Variants in SKA2 observed in about 807,000 individuals in gnomAD.
SKA2 encodes the protein spindle and kinetochore associated complex subunit 2, also known as spindle and kinetochore-associated protein 2.
In SKA2, 13 loss-of-function variants were observed where a neutral mutation model predicts 16.9. That is an observed-to-expected ratio of 0.77 (90% CI 0.50 to 1.22). SKA2 has a LOEUF of 1.22. Ranked by LOEUF, SKA2 falls within the 50% of genes most tolerant of loss-of-function variation. SKA2 has a pLI of 0.00. For synonymous variants in SKA2, 47 were observed against 48.5 expected (o/e 0.97, Z 0.13); for missense variants, 107 against 139.7 (o/e 0.77, Z 1.18).
At chr17:59,139,757 A>G (rs1260513071) in intron 1 of SKA2, among the ~76,000 whole-genome samples, 1 of 152,174 alleles carries the variant, frequency 6.6e-6, no homozygotes, top group African/African-American at 2.4e-5. Flanking sequence ...CTACTGTATT[A>G]TATTTTAATC....
At position 59,131,140 on chromosome 17, in the gene SKA2, C is replaced by T. The variant is rs969632116; in HGVS notation, c.120+141G>A. ...CTCCAGTGTGCTATAACCAAACTTCCAACACAATGCAAGATTTTAAGATTC... is the reference window on the plus strand; with the variant it reads ...CTCCAGTGTGCTATAACCAAACTTCTAACACAATGCAAGATTTTAAGATTC... On this transcript the variant is annotated intron_variant, in intron 2 of 3. Transcript: ENST00000330137. 2.8e-5 allele frequency: 16 copies of T among 578,100 alleles called. No individual in the cohort carries two copies. The East Asian group carries it at 4.8e-4, about 17-fold the overall frequency. The allele number at this position is 578,100 out of a possible 1,614,324, so 35.8% of individuals were successfully genotyped here. A position where few individuals can be genotyped will look rare whatever the true frequency, so the allele number is the denominator to read the frequency against.
At chr17:59,134,468 C>T (rs758293207) in intron 1 of SKA2, among the ~76,000 whole-genome samples, 17 of 152,144 alleles carry the variant, frequency 1.1e-4, no homozygotes, top group South Asian at 2.1e-4. Flanking sequence ...GTTTATGAAA[C>T]GAAGTATTAA....
At chr17:59,145,687 G>A (rs1025661952) in intron 1 of SKA2, among the ~76,000 whole-genome samples, 2 of 151,938 alleles carry the variant, frequency 1.3e-5, no homozygotes, top group Non-Finnish European at 2.9e-5. Flanking sequence ...TTACTAGCCC[G>A]ATCTAGAAAC....
intron 2 of SKA2, among the ~76,000 whole-genome samples, chr17:59,124,048 CCTT>C (rs754781911): frequency 2.6e-4 from 40 of 152,200 alleles, no homozygotes; most frequent in Non-Finnish European, 3.7e-4. Flanking sequence ...TGAGTGGTAT[CCTT>C]CTTGAGGGTG....
Position 59,111,509 on chromosome 17 carries a change from C to T in SKA2, c.*768G>A, listed in dbSNP as rs958935663. ...TTGACACATACATATAACACACTCA[C>T]GCAAAACTGGCAAGTAGCAGATAAG... On this transcript the variant is annotated 3_prime_UTR_variant, in exon 4 of 4. Coordinates refer to ENST00000330137, the MANE Select transcript of SKA2 (RefSeq NM_182620.4). The T allele has an allele frequency of 2.6e-5, 4 of 152,086 alleles. No individual in the cohort carries two copies. The highest frequency in any genetic ancestry group is 7.2e-5 in the African/African-American group (3 of 41,422). 9.4% of individuals were successfully genotyped at this position (152,086 alleles called of 1,614,324 possible).
chr17:59,114,676 A>G (rs958264739), intron 3 of SKA2, among the ~76,000 whole-genome samples: 3 of 152,206 alleles, frequency 2.0e-5, no homozygotes, highest in African/African-American at 7.2e-5. Flanking sequence ...AATGGCCAAT[A>G]GCATCCACCA....
intron 1 of SKA2, among the ~76,000 whole-genome samples, chr17:59,140,738 G>A (rs2046481747): frequency 6.7e-6 from 1 of 149,958 alleles, no homozygotes; most frequent in Non-Finnish European, 1.5e-5. Context: ...AGCCTCCCTA[G>A]TAGCTGGGAC....
intron 1 of SKA2, 76 bp from the exon 2 acceptor site, chr17:59,131,443 C>T (rs2046411333): frequency 2.0e-6 from 2 of 984,038 alleles, no homozygotes; most frequent in Non-Finnish European, 2.9e-6. Context: ...CTTTTTTTCT[C>T]TTTACATTTG....
chr17:59,122,570 C>A (rs1400514361), intron 2 of SKA2, among the ~76,000 whole-genome samples: 1 of 151,842 alleles, frequency 6.6e-6, no homozygotes, highest in Non-Finnish European at 1.5e-5. Flanking sequence ...AAGATGGTAC[C>A]ACTGCACTCC....
intron 1 of SKA2, among the ~76,000 whole-genome samples, chr17:59,145,870 G>A (rs2046528224): frequency 6.6e-6 from 1 of 151,902 alleles, no homozygotes; most frequent in Admixed American, 6.6e-5. Context: ...AACACCTGTG[G>A]TGTCAGCTAC....
rs1213471489 is a variant in SKA2 at position 59,110,276 on chromosome 17, G to A, written c.*2001C>T. ...GAAGATAACTGAAGGAAATCATAGAGGAAAAATAGTACAATCTAATTTTTC... is the reference window on the plus strand; with the variant it reads ...GAAGATAACTGAAGGAAATCATAGAAGAAAAATAGTACAATCTAATTTTTC... On this transcript the variant is annotated 3_prime_UTR_variant, in exon 4 of 4. Coordinates refer to ENST00000330137, the MANE Select transcript of SKA2 (RefSeq NM_182620.4). 1 of 152,040 alleles carries A rather than the reference G, an allele frequency of 6.6e-6. No homozygotes were observed. The highest frequency in any genetic ancestry group is 1.5e-5 in the Non-Finnish European group (1 of 68,010). 9.4% of individuals were successfully genotyped at this position (152,040 alleles called of 1,614,324 possible). A position where few individuals can be genotyped will look rare whatever the true frequency, so the allele number is the denominator to read the frequency against.
intron 2 of SKA2, among the ~76,000 whole-genome samples, chr17:59,123,188 G>A (rs558631106): frequency 2.7e-5 from 4 of 150,354 alleles, no homozygotes; most frequent in Admixed American, 2.0e-4. Flanking sequence ...GTGAAGACAG[G>A]AATAAATATG....
chr17:59,135,350 T>G (rs1210198495), intron 1 of SKA2, among the ~76,000 whole-genome samples: 1 of 142,790 alleles, frequency 7.0e-6, no homozygotes, highest in Admixed American at 7.4e-5. Context: ...GGAGTCTCAC[T>G]CTGTCATCCA....
chr17:59,111,384 C>T lies in SKA2; in HGVS notation c.*893G>A, dbSNP rs1166158715. 3 of 152,166 alleles carry T rather than the reference C, an allele frequency of 2.0e-5. No homozygotes were observed. The highest frequency in any genetic ancestry group is 4.4e-5 in the Non-Finnish European group (3 of 68,036). 9.4% of individuals were successfully genotyped at this position (152,166 alleles called of 1,614,324 possible). ...GTATGTATATTGCTATTATAAACAA[C>T]CCTGTGATTAACATCTTTCTATCAA... On this transcript the variant is annotated 3_prime_UTR_variant, in exon 4 of 4. Coordinates refer to ENST00000330137, the MANE Select transcript of SKA2 (RefSeq NM_182620.4).
Position 59,126,184 on chromosome 17 carries a change from G to GAATAAATA in SKA2, c.120+5089_120+5096dup, listed in dbSNP as rs56288903. On this transcript the variant is annotated intron_variant, in intron 2 of 3. Transcript: ENST00000330137. ...AGACTCCGTCTCAAAATAAATAAAT[G>GAATAAATA]AATAAATAAATAAATAAATAAATAA... Among the ~76,000 whole-genome samples, 877 of 149,640 alleles carry GAATAAATA rather than the reference G, an allele frequency of 5.9e-3. 6 individuals are homozygous for GAATAAATA. Among genetic ancestry groups the GAATAAATA allele is most frequent in the South Asian group, 0.01 (49 of 4,744 alleles).
chr17:59,121,151 CAA>C (rs71145525), intron 2 of SKA2, among the ~76,000 whole-genome samples: 13 of 99,662 alleles, frequency 1.3e-4, no homozygotes, highest in Admixed American at 1.1e-4. Flanking sequence ...GACTCCGTCT[CAA>C]AAAAAAAAAA....
chr17:59,121,838 G>A (rs1048426437), intron 2 of SKA2, among the ~76,000 whole-genome samples: 29 of 147,896 alleles, frequency 2.0e-4, no homozygotes, highest in African/African-American at 7.0e-4. Flanking sequence ...CAGGCGTGTC[G>A]GCATGCGCCT....
intron 1 of SKA2, among the ~76,000 whole-genome samples, chr17:59,144,513 G>A (rs1429874473): frequency 6.6e-6 from 1 of 152,158 alleles, no homozygotes; most frequent in African/African-American, 2.4e-5. Context: ...AGCAACACGA[G>A]TGTCCATGGA....
At chr17:59,154,183 A>AAAAG (rs1555714039) in intron 1 of SKA2, among the ~76,000 whole-genome samples, 2 of 151,466 alleles carry the variant, frequency 1.3e-5, no homozygotes, top group African/African-American at 4.9e-5. Flanking sequence ...AAAAAAAAAA[A>AAAAG]AAAAGAAAAG....
Sources: gnomAD v4.1 joint callset for allele counts (sites outside exome capture counted in the v4.1 genomes callset) on GRCh38, gnomAD v4.1.1 for gene constraint, MANE v1.5 for transcripts, NCBI Gene and HGNC (gene_info 2026-07-23, HGNC 2026-07-21) for gene names.